Variants in TRIOBP observed in about 807,000 individuals in gnomAD.
TRIOBP encodes TRIO and F-actin binding protein, also known as TRIO and F-actin-binding protein.
Under a neutral mutation model 238.8 loss-of-function variants are expected in TRIOBP, and 169 were observed. The ratio of observed to expected loss-of-function variants is 0.71; its 90% confidence interval spans 0.62 to 0.80. TRIOBP has a LOEUF of 0.80. Ranked by LOEUF, TRIOBP falls within the 30% of genes least tolerant of loss-of-function variation. TRIOBP has a pLI of 0.00. For synonymous variants in TRIOBP, 1,150 were observed against 1,274.4 expected, an observed-to-expected ratio of 0.90 and a Z score of 2.08; for missense variants, 2,838 against 3,122.6, an observed-to-expected ratio of 0.91 and a Z score of 2.17.
At chr22:37,745,473 G>T (rs1336774564) in intron 11 of TRIOBP, among the ~76,000 whole-genome samples, 1 of 152,058 alleles carries the variant, frequency 6.6e-6, no homozygotes, top group Non-Finnish European at 1.5e-5. Context: ...CTACTCACCT[G>T]CAGGAAAAGA....
At chr22:37,723,040 G>A (rs1481540041) in intron 6 of TRIOBP, 145 bp from the exon 7 acceptor site, 3 of 752,488 alleles carry the variant, frequency 4.0e-6, no homozygotes, top group African/African-American at 3.5e-5. Flanking sequence ...CAGAGAGGTG[G>A]AGTCACTTGG....
At chr22:37,743,682 G>T (rs563306517) in intron 11 of TRIOBP, among the ~76,000 whole-genome samples, 2 of 152,284 alleles carry the variant, frequency 1.3e-5, no homozygotes, top group South Asian at 2.1e-4. Flanking sequence ...AGGGAGCACT[G>T]GGCCAGCAGT....
intron 7 of TRIOBP, among the ~76,000 whole-genome samples, chr22:37,729,432 T>C (rs192459002): frequency 1.1e-4 from 16 of 152,180 alleles, no homozygotes; most frequent in African/African-American, 3.6e-4. Flanking sequence ...CCCAGGTTGG[T>C]CTCAAACTCC....
Position 37,751,832 on chromosome 22 carries a change from A to G in TRIOBP, c.5379+4A>G. ...GATCTTGGACGAGCCTGGAGAGGTA[A>G]GAGGACTGAGGCCGGAGGGGAGGAA... On this transcript the variant is annotated splice_donor_region_variant and intron_variant, in intron 12 of 23. Transcript: ENST00000644935. 1 of 1,605,144 alleles carries G rather than the reference A, an allele frequency of 6.2e-7. No homozygotes were observed. The highest frequency in any genetic ancestry group is 1.1e-5 in the South Asian group (1 of 90,966).
rs758874269 is a variant in TRIOBP, at chr22:37,726,428, C to G, written c.3872C>G (p.Ala1291Gly). Residue 1291 changes from alanine (A) to glycine (G), a missense_variant, in exon 7 of 24, where the codon GCG (alanine) becomes GGG (glycine). Coordinates refer to ENST00000644935, the MANE Select transcript of TRIOBP (RefSeq NM_001039141.3). ...GCCCAGAGACAGCCAGGGCCCCAGG[C>G]GCAGTGCAGCAGCGGGGGCCGCACC... The part of the protein sequence containing the change: ...RLAQRQPGPQ[A>G]QCSSGGRTHS... The G allele has an allele frequency of 1.1e-5, 18 of 1,586,130 alleles. No homozygotes were observed. In the East Asian group the frequency reaches 3.8e-4, roughly 34 times the overall value.
chr22:37,735,748 C>T (rs901393007), intron 9 of TRIOBP, among the ~76,000 whole-genome samples: 4 of 152,222 alleles, frequency 2.6e-5, no homozygotes, highest in Admixed American at 6.5e-5. Context: ...GAAACTGATG[C>T]GCAGGGTGAA....
At position 37,741,377 on chromosome 22, in the gene TRIOBP, G is replaced by A. The variant is rs77284006; in HGVS notation, c.5322+345G>A. On this transcript the variant is annotated intron_variant, in intron 11 of 23. Coordinates refer to ENST00000644935, the MANE Select transcript of TRIOBP (RefSeq NM_001039141.3). ...GGGAAGGGAAGGCGAGCTTATAAGT[G>A]GCTCTGGGATTGCAAAGTGTGTCTC... Among the ~76,000 whole-genome samples the A allele has an allele frequency of 7.9e-5, 12 of 152,314 alleles. No homozygotes were observed. In the East Asian group the frequency reaches 2.3e-3, roughly 29 times the overall value.
At chr22:37,762,752 AGGAGGCGGATGGAAATTC>A (rs1926308282) in intron 17 of TRIOBP, among the ~76,000 whole-genome samples, 1 of 152,048 alleles carries the variant, frequency 6.6e-6, no homozygotes, top group African/African-American at 2.4e-5. Flanking sequence ...CAGGCACGGG[AGGAGGCGGATGGAAATTC>A]GGTGGACCTG....
chr22:37,762,952 G>A (rs1360752355), intron 17 of TRIOBP, among the ~76,000 whole-genome samples: 1 of 152,144 alleles, frequency 6.6e-6, no homozygotes, highest in Non-Finnish European at 1.5e-5. Context: ...TGGGGACAGA[G>A]GCATTTCTTT....
chr22:37,749,893 G>A (rs764995477), intron 11 of TRIOBP, among the ~76,000 whole-genome samples: 2 of 151,936 alleles, frequency 1.3e-5, no homozygotes, highest in Non-Finnish European at 2.9e-5. Flanking sequence ...GGTTGAGTCA[G>A]CAGTAAGCTG....
intron 12 of TRIOBP, 123 bp from the exon 13 acceptor site, chr22:37,754,754 A>G: frequency 1.1e-6 from 1 of 899,506 alleles, no homozygotes; most frequent in East Asian, 2.5e-5. Flanking sequence ...TGGAGGGGCC[A>G]GGTCTCAAAT....
At chr22:37,705,504 G>A (rs539160274) in intron 3 of TRIOBP, among the ~76,000 whole-genome samples, 4 of 152,104 alleles carry the variant, frequency 2.6e-5, no homozygotes, top group Non-Finnish European at 5.9e-5. Flanking sequence ...ATGGGGGGAG[G>A]CCTGGTCTCA....
At position 37,757,595 on chromosome 22, in the gene TRIOBP, G is replaced by A; in HGVS notation, c.5688-18G>A. 1.9e-6 allele frequency: 3 copies of A among 1,567,004 alleles called. No homozygotes were observed. The highest frequency in any genetic ancestry group is 2.6e-6 in the Non-Finnish European group (3 of 1,160,536). ...CAGGGGTGAGGACCCACCTGACGTG[G>A]CTCTGCTGGTGCCCTAGGCTCTCGG... On this transcript the variant is annotated intron_variant, in intron 15 of 23. Coordinates refer to ENST00000644935, the MANE Select transcript of TRIOBP (RefSeq NM_001039141.3).
rs763650073 is a variant in TRIOBP, at chr22:37,734,762, G to A, written c.4426G>A (p.Ala1476Thr). ...GGGGGCAGCCAAAGCCCCGGAGGGA[G>A]CATGGGGGGGCACTTCCAGGGAGTA... is the stretch of plus-strand genomic sequence containing the variant. ...SLGAAKAPEG[A>T]WGGTSREYKE... Residue 1476 changes from alanine (A) to threonine (T), a missense_variant, in exon 9 of 24, where the codon GCA (alanine) becomes ACA (threonine). Coordinates refer to ENST00000644935, the MANE Select transcript of TRIOBP (RefSeq NM_001039141.3). 4 of 1,612,234 alleles carry A rather than the reference G, an allele frequency of 2.5e-6. No homozygotes were observed. Among genetic ancestry groups the A allele is most frequent in the Admixed American group, 3.3e-5 (2 of 59,932 alleles).
chr22:37,751,718 C>T (rs1925615323), intron 11 of TRIOBP, 54 bp from the exon 12 acceptor site: 1 of 1,598,296 alleles, frequency 6.3e-7, no homozygotes, highest in Non-Finnish European at 8.6e-7. Context: ...CCCTCACCAG[C>T]CCCCATTGGC....
At chr22:37,716,071 C>T in intron 6 of TRIOBP, 137 bp downstream of exon 6, 1 of 821,136 alleles carries the variant, frequency 1.2e-6, no homozygotes, top group Non-Finnish European at 2.0e-6. Flanking sequence ...GTTTGCATGT[C>T]ATGATGGAGC....
At chr22:37,739,635 C>G (rs756895789) in intron 10 of TRIOBP, among the ~76,000 whole-genome samples, 4 of 152,226 alleles carry the variant, frequency 2.6e-5, no homozygotes, top group Non-Finnish European at 4.4e-5. Context: ...ATGCTGCCCC[C>G]GTCCCTGCCC....
chr22:37,765,524 G>A, intron 17 of TRIOBP, 146 bp from the exon 18 acceptor site: 2 of 1,028,528 alleles, frequency 1.9e-6, no homozygotes, highest in South Asian at 1.4e-5. Context: ...GGTGGGGGTG[G>A]GAGCAGGAGC....
chr22:37,744,013 T>C lies in TRIOBP; in HGVS notation c.5322+2981T>C, dbSNP rs186061694. Among the ~76,000 whole-genome samples the C allele has an allele frequency of 2.9e-3, 438 of 148,670 alleles. 3 individuals carry two copies. The highest frequency in any genetic ancestry group is 0.01 in the African/African-American group (423 of 40,362). On this transcript the variant is annotated intron_variant, in intron 11 of 23. Transcript: ENST00000644935. ...AGTGCTGTGTATCTTTTTTTTTTTT[T>C]TTTTTTCTGAGATGGAGTCTCGCTC...
Sources: allele counts gnomAD v4.1 joint callset (sites outside exome capture counted in the v4.1 genomes callset), GRCh38; gene constraint gnomAD v4.1.1; transcripts MANE v1.5; gene names NCBI Gene and HGNC (gene_info 2026-07-23, HGNC 2026-07-21).